DZANK1: variants seen among roughly 807,000 people sequenced by gnomAD.
DZANK1 encodes double zinc ribbon and ankyrin repeat-containing protein 1.
A neutral mutation model predicts 94.5 loss-of-function variants in DZANK1; 91 were observed. The ratio of observed to expected loss-of-function variants is 0.96; its 90% CI spans 0.81 to 1.15. The LOEUF (loss-of-function observed/expected upper bound fraction) is 1.15, where lower values mean the gene tolerates loss of function less well. DZANK1 is among the 50% of genes most tolerant of loss of function. The pLI is 0.00. For synonymous variants in DZANK1, 312 were observed against 325.3 expected, an observed-to-expected ratio of 0.96 and a Z score of 0.44; for missense variants, 903 against 916.4, an observed-to-expected ratio of 0.99 and a Z score of 0.19.
intron 2 of DZANK1, among the ~76,000 whole-genome samples, chr20:18,463,104 C>T (rs958595113): frequency 2.0e-5 from 3 of 152,056 alleles, no homozygotes; most frequent in African/African-American, 7.2e-5. Context: ...AGACATGAAA[C>T]CAACCTAGGT....
At chr20:18,387,858 A>G (rs2048601682) in intron 19 of DZANK1, among the ~76,000 whole-genome samples, 1 of 152,240 alleles carries the variant, frequency 6.6e-6, no homozygotes, top group African/African-American at 2.4e-5. Context: ...CTAGCCAAAC[A>G]TGCTCAGATG....
At chr20:18,420,974 G>T in intron 10 of DZANK1, 1 of 162,698 alleles carries the variant, frequency 6.1e-6, no homozygotes, top group South Asian at 1.7e-4. Context: ...GGAATCTGCT[G>T]ATTTTTTTTG....
chr20:18,433,485 T>C (rs1234883396), intron 9 of DZANK1, 167 bp downstream of exon 9: 4 of 593,970 alleles, frequency 6.7e-6, no homozygotes, highest in African/African-American at 1.9e-5. Flanking sequence ...GAGGTTGCAG[T>C]GAGCTGAGAT....
chr20:18,449,040 C>T (rs770490616), exon 7 of DZANK1: 1 of 1,613,874 alleles, frequency 6.2e-7, no homozygotes, highest in Admixed American at 1.7e-5. Flanking sequence ...TCAAACACTT[C>T]TGACCGCTTA....
intron 10 of DZANK1, among the ~76,000 whole-genome samples, chr20:18,415,983 C>T (rs542598995): frequency 1.1e-3 from 170 of 152,308 alleles, no homozygotes; most frequent in Non-Finnish European, 2.0e-3. Context: ...TCTGTTGCTT[C>T]CTCACTATTG....
chr20:18,446,846 A>G (rs1417664514), intron 7 of DZANK1, among the ~76,000 whole-genome samples: 6 of 152,240 alleles, frequency 3.9e-5, no homozygotes, highest in African/African-American at 1.2e-4. Flanking sequence ...CTATGAATCT[A>G]GAATTATACC....
intron 4 of DZANK1, chr20:18,454,537 C>T (rs2424201): frequency 0.14 from 22,120 of 158,272 alleles, 1,717 homozygotes; most frequent in Admixed American, 0.18. Flanking sequence ...TCTTTCTTAT[C>T]GATGCTCACA....
chr20:18,395,654 CAG>C (rs1191044447), intron 15 of DZANK1, among the ~76,000 whole-genome samples: 1 of 152,146 alleles, frequency 6.6e-6, no homozygotes, highest in African/African-American at 2.4e-5. Flanking sequence ...ATTCATTCTC[CAG>C]AGTTCCCCTT....
At position 18,412,711 on chromosome 20, in the gene DZANK1, TGA is replaced by T; in HGVS notation, c.1365_1366del (p.Gln456LysfsTer9). ...ACTCATTTTCTCCTGCCTCTGCTTTTGAGAGGCTAGTTCCTGTTCCTTTTTTG... is the reference window on the plus strand; with the variant it reads ...ACTCATTTTCTCCTGCCTCTGCTTTTGAGGCTAGTTCCTGTTCCTTTTTTG... On this transcript the variant is annotated frameshift_variant, in exon 13 of 21. Coordinates refer to ENST00000262547, the Ensembl canonical transcript of DZANK1. LOFTEE classifies it high-confidence loss of function. 2 of 1,613,644 alleles carry T rather than the reference TGA, an allele frequency of 1.2e-6. No individual in the cohort carries two copies. Among genetic ancestry groups the T allele is most frequent in the South Asian group, 2.2e-5 (2 of 91,058 alleles).
chr20:18,395,211 C>T (rs1053993428), intron 15 of DZANK1, among the ~76,000 whole-genome samples: 3 of 152,036 alleles, frequency 2.0e-5, no homozygotes, highest in Non-Finnish European at 4.4e-5. Context: ...AAATACAAAA[C>T]TTAGCTGGGT....
At chr20:18,401,460 C>T (rs1016510015) in intron 13 of DZANK1, among the ~76,000 whole-genome samples, 2 of 152,202 alleles carry the variant, frequency 1.3e-5, no homozygotes, top group African/African-American at 4.8e-5. Context: ...AAACATCAAC[C>T]ACTTTACTGC....
chr20:18,419,387 T>A (rs1427947463), intron 10 of DZANK1, among the ~76,000 whole-genome samples: 4 of 151,568 alleles, frequency 2.6e-5, no homozygotes, highest in African/African-American at 9.7e-5. Flanking sequence ...AATAAAGAAA[T>A]CATGGCCGAA....
At chr20:18,452,513 A>T in intron 6 of DZANK1, 102 bp downstream of exon 6, 1 of 1,343,780 alleles carries the variant, frequency 7.4e-7, no homozygotes, top group Non-Finnish European at 1.0e-6. Flanking sequence ...AGTGCCTGGC[A>T]CATGGTCAAA....
intron 13 of DZANK1, among the ~76,000 whole-genome samples, chr20:18,409,128 A>G (rs951043521): frequency 3.3e-5 from 5 of 152,192 alleles, no homozygotes; most frequent in Non-Finnish European, 5.9e-5. Context: ...TACCCCATAA[A>G]TATATACACC....
At chr20:18,401,678 G>A (rs11698500) in intron 13 of DZANK1, among the ~76,000 whole-genome samples, 16,350 of 152,216 alleles carry the variant, frequency 0.11, 1,534 homozygotes, top group East Asian at 0.53. Flanking sequence ...TCAAATGTCT[G>A]GAGTCTTTGG....
At chr20:18,400,010 C>T (rs187818789) in intron 13 of DZANK1, among the ~76,000 whole-genome samples, 1 of 152,194 alleles carries the variant, frequency 6.6e-6, no homozygotes, top group Non-Finnish European at 1.5e-5. Context: ...CGTTTAAATC[C>T]TAAATCTACC....
intron 8 of DZANK1, among the ~76,000 whole-genome samples, chr20:18,435,633 T>C (rs1568975547): frequency 6.6e-6 from 1 of 151,826 alleles, no homozygotes; most frequent in Non-Finnish European, 1.5e-5. Flanking sequence ...TTAGGACAAA[T>C]ACCTAATGCA....
At chr20:18,457,374 G>A (rs1449206222) in intron 3 of DZANK1, among the ~76,000 whole-genome samples, 1 of 152,030 alleles carries the variant, frequency 6.6e-6, no homozygotes, top group Non-Finnish European at 1.5e-5. Flanking sequence ...CTACTCAGGA[G>A]GCTGAGGCAC....
At chr20:18,443,359 T>C in exon 8 of DZANK1, 1 of 1,549,014 alleles carries the variant, frequency 6.5e-7, no homozygotes, top group African/African-American at 1.4e-5. Context: ...GAGCTCCTTC[T>C]GGGGGTGGGA....
Sources: gnomAD v4.1 joint callset for allele counts (sites outside exome capture counted in the v4.1 genomes callset) on GRCh38, gnomAD v4.1.1 for gene constraint, MANE v1.5 for transcripts, NCBI Gene and HGNC (gene_info 2026-07-23, HGNC 2026-07-21) for gene names.